KHDRBS2: variants seen among roughly 807,000 people sequenced by gnomAD.
KHDRBS2 encodes KH domain-containing, RNA-binding, signal transduction-associated protein 2.
Under a neutral mutation model 44.3 loss-of-function variants are expected in KHDRBS2, and 26 were observed. The observed-to-expected ratio is 0.59, with a 90% confidence interval of 0.43 to 0.81. KHDRBS2 has a LOEUF of 0.81. Ranked by LOEUF, KHDRBS2 falls within the 40% of genes least tolerant of loss-of-function variation. The pLI is 0.00. For synonymous variants in KHDRBS2, 194 were observed against 151.1 expected (o/e 1.28, Z -2.08); for missense variants, 476 against 433.1 (o/e 1.10, Z -0.88).
the KHDRBS2 span, among the ~76,000 whole-genome samples, chr6:61,602,353 G>A: frequency 7.9e-5 from 12 of 152,108 alleles, no homozygotes; most frequent in African/African-American, 9.7e-5. Context: ...CTCCAGGACC[G>A]CCTACCCCAG....
At chr6:62,163,062 G>A (rs1178464505) in intron 2 of KHDRBS2, among the ~76,000 whole-genome samples, 1 of 151,976 alleles carries the variant, frequency 6.6e-6, no homozygotes, top group Non-Finnish European at 1.5e-5. Flanking sequence ...CACAAGTGAC[G>A]TCACAAATTT....
rs532717802 is a variant in KHDRBS2, at chr6:62,062,047, G to T, written c.220-14053C>A. On this transcript the variant is annotated intron_variant, in intron 2 of 8. Coordinates refer to ENST00000281156, the MANE Select transcript of KHDRBS2 (RefSeq NM_152688.4). Reference sequence around the variant, plus strand: ...CATCAAAGAAGGCCATTACATAATGGTAAAGGGATCAATTCAACAAGAAGA... The same window carrying T: ...CATCAAAGAAGGCCATTACATAATGTTAAAGGGATCAATTCAACAAGAAGA... 3.0e-3 allele frequency among the ~76,000 whole-genome samples: 450 copies of T among 151,610 alleles called. 3 individuals are homozygous for T. The highest frequency in any genetic ancestry group is 4.7e-3 in the Non-Finnish European group (317 of 67,826).
intron 7 of KHDRBS2, among the ~76,000 whole-genome samples, chr6:61,709,593 T>C (rs187379331): frequency 1.7e-3 from 252 of 151,856 alleles, no homozygotes; most frequent in South Asian, 2.3e-3. Context: ...TTTTATTTTT[T>C]GCTTACTTTG....
chr6:61,857,745 C>T (rs1796348133), intron 6 of KHDRBS2, among the ~76,000 whole-genome samples: 1 of 151,836 alleles, frequency 6.6e-6, no homozygotes, highest in Non-Finnish European at 1.5e-5. Context: ...CAGGGCAATG[C>T]CGATGGGACT....
intron 1 of KHDRBS2, among the ~76,000 whole-genome samples, chr6:62,233,491 C>G (rs1211277835): frequency 1.3e-5 from 2 of 152,054 alleles, no homozygotes; most frequent in African/African-American, 4.8e-5. Flanking sequence ...CTGGTCTTTT[C>G]AAAATTTAAC....
At chr6:61,761,075 G>A (rs900601528) in intron 6 of KHDRBS2, among the ~76,000 whole-genome samples, 9 of 152,138 alleles carry the variant, frequency 5.9e-5, no homozygotes, top group East Asian at 1.9e-4. Flanking sequence ...CTACATTTTC[G>A]TGGATGAGCT....
chr6:61,913,026 AC>A (rs1266255871), intron 4 of KHDRBS2, among the ~76,000 whole-genome samples: 1 of 152,114 alleles, frequency 6.6e-6, no homozygotes, highest in African/African-American at 2.4e-5. Context: ...TGCCTTCATC[AC>A]AGACATGGGA....
At chr6:62,004,716 A>T (rs1308147681) in intron 3 of KHDRBS2, among the ~76,000 whole-genome samples, 1 of 152,172 alleles carries the variant, frequency 6.6e-6, no homozygotes, top group African/African-American at 2.4e-5. Flanking sequence ...ACAAAAAAAG[A>T]GAATTTTAGA....
chr6:61,705,380 A>G (rs150667795), intron 7 of KHDRBS2, among the ~76,000 whole-genome samples: 3,760 of 151,930 alleles, frequency 0.025, 73 homozygotes, highest in Middle Eastern at 0.082. Context: ...CATAAAAAAT[A>G]TATATTTAAT....
intron 2 of KHDRBS2, 145 bp from the exon 3 acceptor site, chr6:62,048,139 C>CACAT: frequency 1.7e-6 from 1 of 595,466 alleles, no homozygotes; most frequent in South Asian, 2.0e-5. Context: ...CACACACACA[C>CACAT]ACACACACAC....
intron 6 of KHDRBS2, among the ~76,000 whole-genome samples, chr6:61,862,837 A>G (rs1370811181): frequency 1.3e-5 from 2 of 152,118 alleles, no homozygotes; most frequent in East Asian, 1.9e-4. Flanking sequence ...GCCTCATAGA[A>G]TGGGTTAGGG....
intron 1 of KHDRBS2, among the ~76,000 whole-genome samples, chr6:62,268,246 C>T (rs1387234984): frequency 6.6e-6 from 1 of 152,150 alleles, no homozygotes; most frequent in East Asian, 1.9e-4. Context: ...AGAATTACCT[C>T]ACCAAATGCC....
chr6:61,886,809 C>A (rs1180131929), intron 6 of KHDRBS2, among the ~76,000 whole-genome samples: 1 of 152,108 alleles, frequency 6.6e-6, no homozygotes, highest in Non-Finnish European at 1.5e-5. Flanking sequence ...TGCTATCTCT[C>A]CCACTAGATG....
chr6:62,147,972 G>A (rs1170664484), intron 2 of KHDRBS2, among the ~76,000 whole-genome samples: 1 of 151,874 alleles, frequency 6.6e-6, no homozygotes, highest in Non-Finnish European at 1.5e-5. Flanking sequence ...CATTCCACAG[G>A]ATGTAGAAAA....
At chr6:61,702,513 A>T (rs1768850481) in intron 7 of KHDRBS2, among the ~76,000 whole-genome samples, 1 of 152,006 alleles carries the variant, frequency 6.6e-6, no homozygotes, top group African/African-American at 2.4e-5. Flanking sequence ...CAATTAATAC[A>T]ATCCCCTGAA....
intron 3 of KHDRBS2, among the ~76,000 whole-genome samples, chr6:61,993,174 C>G (rs1229185580): frequency 6.6e-6 from 1 of 152,074 alleles, no homozygotes; most frequent in Non-Finnish European, 1.5e-5. Flanking sequence ...GATATAGGCT[C>G]CCCATAATAC....
intron 6 of KHDRBS2, among the ~76,000 whole-genome samples, chr6:61,814,229 C>G (rs1345318020): frequency 3.3e-5 from 5 of 152,146 alleles, no homozygotes; most frequent in Non-Finnish European, 7.3e-5. Context: ...CTGCTGCTCT[C>G]TTCTATTTTA....
At chr6:61,747,041 AG>A (rs1365700092) in intron 6 of KHDRBS2, among the ~76,000 whole-genome samples, 3 of 117,762 alleles carry the variant, frequency 2.5e-5, no homozygotes, top group Admixed American at 8.6e-5. Flanking sequence ...AGAAAAAAAA[AG>A]AAAAAAAAAA....
chr6:62,122,712 A>G (rs1176524488), intron 2 of KHDRBS2, among the ~76,000 whole-genome samples: 1 of 149,830 alleles, frequency 6.7e-6, no homozygotes, highest in Non-Finnish European at 1.5e-5. Flanking sequence ...TGAAGACACC[A>G]CCTGAAAGTG....
Sources: allele counts gnomAD v4.1 joint callset (sites outside exome capture counted in the v4.1 genomes callset), GRCh38; gene constraint gnomAD v4.1.1; transcripts MANE v1.5; gene names NCBI Gene and HGNC (gene_info 2026-07-23, HGNC 2026-07-21).